Variants in SBF2 observed in about 807,000 individuals in gnomAD.
The protein encoded by SBF2 is SET binding factor 2, also known as myotubularin-related protein 13.
Under a neutral mutation model 225.2 loss-of-function variants are expected in SBF2, and 112 were observed. The ratio of observed to expected loss-of-function variants is 0.50; its 90% CI spans 0.43 to 0.58. The LOEUF is 0.58. Ranked by LOEUF, SBF2 falls within the 20% of genes least tolerant of loss-of-function variation. SBF2 has a pLI of 0.00. For synonymous variants in SBF2, 763 were observed against 773.3 expected, an observed-to-expected ratio of 0.99 and a Z score of 0.22; for missense variants, 1,996 against 2,206.2, an observed-to-expected ratio of 0.90 and a Z score of 1.91.
chr11:9,798,687 C>A (rs1043121302), intron 32 of SBF2, among the ~76,000 whole-genome samples: 1 of 152,182 alleles, frequency 6.6e-6, no homozygotes, highest in East Asian at 1.9e-4. Flanking sequence ...TGGCTCACGC[C>A]TGTAATCCCA....
At chr11:9,939,979 T>C (rs1399746431) in intron 16 of SBF2, among the ~76,000 whole-genome samples, 1 of 152,234 alleles carries the variant, frequency 6.6e-6, no homozygotes, top group Non-Finnish European at 1.5e-5. Flanking sequence ...GAATGTATAT[T>C]GACACTGAAT....
intron 2 of SBF2, among the ~76,000 whole-genome samples, chr11:10,130,335 C>T (rs1953978385): frequency 6.6e-6 from 1 of 151,684 alleles, no homozygotes; most frequent in Admixed American, 6.6e-5. Context: ...GTACTCCAGC[C>T]TGGGTGACAG....
intron 17 of SBF2, among the ~76,000 whole-genome samples, chr11:9,886,374 ATTC>A (rs1860302333): frequency 6.6e-6 from 1 of 151,404 alleles, no homozygotes; most frequent in African/African-American, 2.4e-5. Context: ...TCTGACCTCT[ATTC>A]TTTTTTTTCT....
intron 16 of SBF2, chr11:9,957,466 A>ACT (rs35480657): frequency 4.3e-4 from 65 of 150,100 alleles, no homozygotes; most frequent in African/African-American, 1.3e-3. Context: ...TCTTGTTTTT[A>ACT]TTTTTTTTTT....
At chr11:9,982,543 T>A (rs897985251) in intron 13 of SBF2, among the ~76,000 whole-genome samples, 1 of 152,202 alleles carries the variant, frequency 6.6e-6, no homozygotes, top group Non-Finnish European at 1.5e-5. Flanking sequence ...AGTATATTTT[T>A]AAAATTAATG....
intron 2 of SBF2, among the ~76,000 whole-genome samples, chr11:10,187,756 A>G (rs746495225): frequency 4.9e-4 from 74 of 151,962 alleles, no homozygotes; most frequent in Non-Finnish European, 9.4e-4. Context: ...AAATAAGGGG[A>G]AAAAAAACCT....
chr11:9,858,130 G>C (rs556661620), intron 18 of SBF2, 96 bp downstream of exon 18: 2 of 1,353,916 alleles, frequency 1.5e-6, no homozygotes, highest in Admixed American at 1.7e-5. Flanking sequence ...ACACTGGCAG[G>C]AAGTAGCTAG....
intron 3 of SBF2, among the ~76,000 whole-genome samples, chr11:10,034,975 C>T (rs1949381840): frequency 6.6e-6 from 1 of 152,088 alleles, no homozygotes; most frequent in South Asian, 2.1e-4. Context: ...AAGAAATACA[C>T]ATTTTAGGAT....
chr11:10,279,067 A>G (rs1963198876), intron 1 of SBF2, among the ~76,000 whole-genome samples: 2 of 140,818 alleles, frequency 1.4e-5, no homozygotes, highest in African/African-American at 5.2e-5. Flanking sequence ...TTCTGCAGGC[A>G]TTCCAGCCTG....
intron 2 of SBF2, among the ~76,000 whole-genome samples, chr11:10,160,585 T>C (rs941676883): frequency 9.8e-5 from 15 of 152,362 alleles, no homozygotes; most frequent in Admixed American, 9.8e-4. Flanking sequence ...ATGAGTCATC[T>C]TCATATTTTT....
chr11:9,780,514 G>C lies in SBF2; in HGVS notation c.5454C>G (p.Leu1818=). The change falls in exon 40 of 40, where the codon CTC becomes CTG. Residue 1818 remains leucine (L), a splice_region_variant and synonymous_variant. Transcript: ENST00000256190. Reference sequence around the variant, plus strand: ...AGTTATACACACGTTTGCTGGTCTTGAGCTACAAAACCAAATGACAGTGAA... The same window carrying C: ...AGTTATACACACGTTTGCTGGTCTTCAGCTACAAAACCAAATGACAGTGAA... ...KHTSDKAFFD[L]KTSKRVYNFC... 6.2e-7 allele frequency: 1 copy of C among 1,614,052 alleles called. No individual in the cohort carries two copies. The highest frequency in any genetic ancestry group is 1.1e-5 in the South Asian group (1 of 91,066).
chr11:10,127,725 T>C (rs1444606901), intron 2 of SBF2, among the ~76,000 whole-genome samples: 1 of 152,164 alleles, frequency 6.6e-6, no homozygotes, highest in African/African-American at 2.4e-5. Flanking sequence ...CCTTAAGAGA[T>C]AGGGATTTTG....
chr11:10,235,670 T>A (rs1191535832), intron 1 of SBF2, among the ~76,000 whole-genome samples: 1 of 152,214 alleles, frequency 6.6e-6, no homozygotes, highest in Non-Finnish European at 1.5e-5. Context: ...ATAGTTCATA[T>A]TGTAATTTCT....
At chr11:10,075,890 T>G (rs1951079766) in intron 2 of SBF2, among the ~76,000 whole-genome samples, 1 of 152,076 alleles carries the variant, frequency 6.6e-6, no homozygotes, top group Non-Finnish European at 1.5e-5. Context: ...CAGAAAACCA[T>G]TTCTGGTAGT....
intron 6 of SBF2, among the ~76,000 whole-genome samples, chr11:10,013,563 A>G (rs1188869897): frequency 2.0e-5 from 3 of 152,202 alleles, no homozygotes; most frequent in Non-Finnish European, 4.4e-5. Flanking sequence ...GGGGGAAAGG[A>G]TTTGCTAAAC....
intron 3 of SBF2, among the ~76,000 whole-genome samples, chr11:10,040,761 G>C (rs1949623250): frequency 6.6e-6 from 1 of 151,696 alleles, no homozygotes; most frequent in South Asian, 2.1e-4. Context: ...GGGGAGAGGA[G>C]AGAGGGGAAG....
chr11:9,814,961 T>C (rs963992207), intron 29 of SBF2, among the ~76,000 whole-genome samples: 3 of 152,164 alleles, frequency 2.0e-5, no homozygotes, highest in Non-Finnish European at 4.4e-5. Flanking sequence ...TTCATGTTTC[T>C]TTGTTGGGAG....
intron 2 of SBF2, among the ~76,000 whole-genome samples, chr11:10,077,412 G>A (rs1361646203): frequency 6.6e-6 from 1 of 152,116 alleles, no homozygotes; most frequent in Non-Finnish European, 1.5e-5. Flanking sequence ...ATACTACAAG[G>A]CTACAGTAAC....
intron 1 of SBF2, among the ~76,000 whole-genome samples, chr11:10,283,631 AAAAGT>A (rs915315200): frequency 3.9e-5 from 6 of 152,196 alleles, no homozygotes; most frequent in Non-Finnish European, 5.9e-5. Flanking sequence ...AGAAATAAAA[AAAAGT>A]AAAGGCATAT....
Sources: allele counts gnomAD v4.1 joint callset (sites outside exome capture counted in the v4.1 genomes callset), GRCh38; gene constraint gnomAD v4.1.1; transcripts MANE v1.5; gene names NCBI Gene and HGNC (gene_info 2026-07-23, HGNC 2026-07-21).